The following LRCH3 variants were observed in gnomAD, a reference collection of about 807,000 sequenced individuals.
LRCH3 encodes leucine rich repeats and calponin homology domain containing 3.
Under a neutral mutation model 104.5 loss-of-function variants are expected in LRCH3, and 68 were observed. That is an observed-to-expected ratio of 0.65 (90% confidence interval 0.54 to 0.80). The LOEUF (loss-of-function observed/expected upper bound fraction) is 0.80, where lower values mean the gene tolerates loss of function less well. LRCH3 is among the 30% of genes least tolerant of loss of function. LRCH3 has a pLI of 0.00. For missense variants in LRCH3, 951 were observed against 953.9 expected (o/e 1.00, Z 0.04); for synonymous variants, 344 against 361.3 (o/e 0.95, Z 0.54).
chr3:197,879,632 TA>T (rs1176554188), intron 20 of LRCH3, among the ~76,000 whole-genome samples: 1 of 151,028 alleles, frequency 6.6e-6, no homozygotes, highest in Non-Finnish European at 1.5e-5. Context: ...AAATAAAAAA[TA>T]AAAAAATAAA....
At chr3:197,848,826 A>G (rs950030311) in intron 12 of LRCH3, among the ~76,000 whole-genome samples, 1 of 152,202 alleles carries the variant, frequency 6.6e-6, no homozygotes, top group Non-Finnish European at 1.5e-5. Flanking sequence ...TTTAAGTACG[A>G]TGCGTATGTC....
chr3:197,859,180 T>C, intron 15 of LRCH3: 4 of 413,742 alleles, frequency 9.7e-6, no homozygotes, highest in South Asian at 5.1e-5. Context: ...TTGTGAGTTA[T>C]TATTTCACTT....
chr3:197,845,718 A>G (rs1472317427), intron 10 of LRCH3, among the ~76,000 whole-genome samples: 1 of 152,072 alleles, frequency 6.6e-6, no homozygotes, highest in African/African-American at 2.4e-5. Context: ...CAGCCTGGCC[A>G]GCATGGTGAA....
At chr3:197,881,308 C>A (rs1464024392) in intron 20 of LRCH3, 2 of 988,714 alleles carry the variant, frequency 2.0e-6, no homozygotes. Flanking sequence ...AGGTATTGGC[C>A]ATAATTTTAA....
At chr3:197,837,571 C>T (rs1050624210) in intron 9 of LRCH3, among the ~76,000 whole-genome samples, 6 of 152,206 alleles carry the variant, frequency 3.9e-5, no homozygotes, top group Non-Finnish European at 7.3e-5. Context: ...TAAAAACTAA[C>T]CTATGTGAGG....
chr3:197,850,537 T>C (rs1047599098), intron 12 of LRCH3: 16 of 1,590,486 alleles, frequency 1.0e-5, no homozygotes, highest in African/African-American at 8.0e-5. Flanking sequence ...GGAGAGCTCA[T>C]GTATGGGTTA....
Position 197,847,278 on chromosome 3 carries a change from A to G in LRCH3, c.1329-131A>G, listed in dbSNP as rs148160723. 463 of 782,106 alleles carry G rather than the reference A, an allele frequency of 5.9e-4. No individual in the cohort carries two copies. The African/African-American group carries it at 6.8e-3, about 11-fold the overall frequency. The allele number at this position is 782,106 out of a possible 1,614,324, so 48.4% of individuals were successfully genotyped here. On this transcript the variant is annotated intron_variant, in intron 10 of 20. Transcript: ENST00000425562. ...TTTACAAAATGCAGCTACTCCTTCA[A>G]TGCTAACTAGGCAGTTTGCTACTGA...
At chr3:197,875,078 C>T (rs1404126808) in intron 19 of LRCH3, among the ~76,000 whole-genome samples, 2 of 151,916 alleles carry the variant, frequency 1.3e-5, no homozygotes, top group African/African-American at 4.8e-5. Flanking sequence ...TTACAGGTGC[C>T]CGCCACCACA....
chr3:197,837,871 A>G (rs1301923016), intron 9 of LRCH3, among the ~76,000 whole-genome samples: 1 of 150,590 alleles, frequency 6.6e-6, no homozygotes, highest in African/African-American at 2.5e-5. Flanking sequence ...ACATGAAGAA[A>G]CGCTGTCTCT....
intron 1 of LRCH3, among the ~76,000 whole-genome samples, chr3:197,812,079 G>A (rs1179352434): frequency 6.6e-6 from 1 of 152,094 alleles, no homozygotes; most frequent in African/African-American, 2.4e-5. Context: ...GTGGTATTAA[G>A]TACCTTCATA....
rs1217298476 is a variant in LRCH3, at chr3:197,885,636, G to T, written c.*1970G>T. Reference sequence around the variant, plus strand: ...AAAAAAAGAAAACGCGCCCCATCTCGCTCCACCACAAGCGCCTTTATATAC... The same window carrying T: ...AAAAAAAGAAAACGCGCCCCATCTCTCTCCACCACAAGCGCCTTTATATAC... On this transcript the variant is annotated 3_prime_UTR_variant, in exon 21 of 21. Transcript: ENST00000425562. 1 of 152,122 alleles carries T rather than the reference G, an allele frequency of 6.6e-6. No individual in the cohort carries two copies. Among genetic ancestry groups the T allele is most frequent in the Non-Finnish European group, 1.5e-5 (1 of 68,082 alleles). The allele number at this position is 152,122 out of a possible 1,614,324, so 9.4% of individuals were successfully genotyped here.
At chr3:197,847,066 C>T (rs931886586) in intron 10 of LRCH3, among the ~76,000 whole-genome samples, 19 of 152,078 alleles carry the variant, frequency 1.2e-4, no homozygotes, top group East Asian at 3.8e-4. Context: ...TTACATGTAT[C>T]GTGTTTTAAT....
At chr3:197,881,130 A>G (rs574687886) in intron 20 of LRCH3, 1 of 1,025,780 alleles carries the variant, frequency 9.7e-7, no homozygotes, top group African/African-American at 1.7e-5. Context: ...TTGTGGAGTG[A>G]CTGAACCTTT....
chr3:197,865,851 T>C (rs1347134230), intron 16 of LRCH3, among the ~76,000 whole-genome samples: 2 of 151,940 alleles, frequency 1.3e-5, no homozygotes, highest in Admixed American at 6.6e-5. Flanking sequence ...ACAACAGCCG[T>C]AGGTCTGCGG....
intron 20 of LRCH3, chr3:197,881,893 T>G (rs1231578748): frequency 1.0e-6 from 1 of 985,346 alleles, no homozygotes; most frequent in Non-Finnish European, 1.2e-6. Flanking sequence ...TTCTTCCATA[T>G]GAAATGGGAC....
chr3:197,807,038 C>CA (rs56019320), intron 1 of LRCH3, among the ~76,000 whole-genome samples: 2,861 of 143,976 alleles, frequency 0.02, 106 homozygotes, highest in African/African-American at 0.068. Context: ...GACCCTGTGT[C>CA]AAAAAAAAAA....
intron 19 of LRCH3, 51 bp from the exon 20 acceptor site, chr3:197,875,647 G>T (rs904228330): frequency 7.1e-7 from 1 of 1,406,706 alleles, no homozygotes; most frequent in Non-Finnish European, 9.7e-7. Flanking sequence ...GTGAGACCCT[G>T]TCCCAGAAAC....
intron 5 of LRCH3, among the ~76,000 whole-genome samples, chr3:197,828,135 C>T (rs1735453490): frequency 6.6e-6 from 1 of 150,896 alleles, no homozygotes; most frequent in Non-Finnish European, 1.5e-5. Flanking sequence ...GAGCTAAAAA[C>T]TATCAGTAGA....
intron 15 of LRCH3, among the ~76,000 whole-genome samples, chr3:197,865,120 A>T (rs796763629): frequency 5.9e-5 from 9 of 152,222 alleles, no homozygotes; most frequent in African/African-American, 2.2e-4. Flanking sequence ...CTCCCTCCTC[A>T]GCCTCTACAG....
Sources: allele counts gnomAD v4.1 joint callset (sites outside exome capture counted in the v4.1 genomes callset), GRCh38; gene constraint gnomAD v4.1.1; transcripts MANE v1.5; gene names NCBI Gene and HGNC (gene_info 2026-07-23, HGNC 2026-07-21).